CSMD1: variants seen among roughly 807,000 people sequenced by gnomAD.
The protein encoded by CSMD1 is CUB and Sushi multiple domains 1.
In CSMD1, 213 loss-of-function variants were observed where a neutral mutation model predicts 417.5. That is an observed-to-expected ratio of 0.51 (90% CI 0.46 to 0.57). The LOEUF is 0.57. CSMD1 is among the 20% of genes least tolerant of loss of function. The pLI is 0.00. For missense variants in CSMD1, 6,923 were observed against 4,529.7 expected (o/e 1.53, Z -15.17); for synonymous variants, 2,862 against 1,736.8 (o/e 1.65, Z -16.11).
At chr8:4,830,701 T>C (rs1046860066) in intron 1 of CSMD1, among the ~76,000 whole-genome samples, 1 of 152,238 alleles carries the variant, frequency 6.6e-6, no homozygotes, top group South Asian at 2.1e-4. Flanking sequence ...ATGGCAACAC[T>C]GTATTGCAAC....
chr8:2,960,362 C>G (rs75448807), intron 62 of CSMD1, among the ~76,000 whole-genome samples: 3 of 152,172 alleles, frequency 2.0e-5, no homozygotes, highest in African/African-American at 4.8e-5. Context: ...GGAATATTTT[C>G]GTGCTCACGA....
intron 1 of CSMD1, among the ~76,000 whole-genome samples, chr8:4,837,392 C>T (rs1215009211): frequency 6.6e-6 from 1 of 152,098 alleles, no homozygotes; most frequent in African/African-American, 2.4e-5. Flanking sequence ...ACATAGACAC[C>T]ATGGAGTACT....
intron 1 of CSMD1, among the ~76,000 whole-genome samples, chr8:4,850,671 C>A (rs1016667463): frequency 1.3e-5 from 2 of 152,062 alleles, no homozygotes; most frequent in African/African-American, 2.4e-5. Context: ...TCCTTACCCC[C>A]TTAGCTTTGT....
intron 1 of CSMD1, among the ~76,000 whole-genome samples, chr8:4,864,551 A>G (rs1216063072): frequency 6.6e-6 from 1 of 151,700 alleles, no homozygotes; most frequent in Admixed American, 6.6e-5. Context: ...AGTGATCATC[A>G]TAATTATGTT....
Position 3,511,169 on chromosome 8 carries a change from G to A in CSMD1, c.1345-17443C>T, listed in dbSNP as rs993627555. ...ACTGCATGTTCTCAGTAATAAGTGG[G>A]AGTTGAACAATGAGGACACAAGGGC... On this transcript the variant is annotated intron_variant, in intron 10 of 69. Coordinates refer to ENST00000635120, the MANE Select transcript of CSMD1 (RefSeq NM_033225.6). Among the ~76,000 whole-genome samples the A allele has an allele frequency of 3.3e-5, 5 of 151,712 alleles. 1 individual carries two copies. Among genetic ancestry groups the A allele is most frequent in the Admixed American group, 2.6e-4 (4 of 15,264 alleles).
chr8:4,075,812 A>G (rs1406067017), intron 3 of CSMD1, among the ~76,000 whole-genome samples: 3 of 152,124 alleles, frequency 2.0e-5, no homozygotes, highest in East Asian at 1.9e-4. Flanking sequence ...GCAGTCCTTC[A>G]TGGTTGTCAG....
intron 4 of CSMD1, 142 bp from the exon 5 acceptor site, chr8:3,998,252 T>C (rs1302239471): frequency 3.0e-6 from 2 of 676,788 alleles, no homozygotes; most frequent in Non-Finnish European, 5.0e-6. Flanking sequence ...AAAGAATCTT[T>C]TGGTATGTTA....
intron 1 of CSMD1, among the ~76,000 whole-genome samples, chr8:4,903,590 G>A (rs1357129692): frequency 6.6e-6 from 1 of 152,194 alleles, no homozygotes; most frequent in African/African-American, 2.4e-5. Context: ...ACCTGTAAAT[G>A]TCAACTTGTT....
intron 2 of CSMD1, among the ~76,000 whole-genome samples, chr8:4,460,846 G>T (rs914307373): frequency 2.0e-5 from 3 of 152,210 alleles, no homozygotes; most frequent in East Asian, 1.9e-4. Flanking sequence ...ACCAAACATT[G>T]AGAGTAGAAT....
intron 49 of CSMD1, among the ~76,000 whole-genome samples, chr8:3,053,061 C>T (rs542522245): frequency 4.6e-5 from 7 of 152,206 alleles, no homozygotes; most frequent in Middle Eastern, 3.4e-3. Context: ...GGATTACAGG[C>T]GTGAGCCACC....
chr8:4,838,284 A>C (rs1401910898), intron 1 of CSMD1, among the ~76,000 whole-genome samples: 2 of 152,170 alleles, frequency 1.3e-5, no homozygotes, highest in Non-Finnish European at 2.9e-5. Flanking sequence ...GTGTCAGGAG[A>C]CGTCAGTCAC....
At chr8:3,656,432 A>G (rs1411926624) in intron 7 of CSMD1, among the ~76,000 whole-genome samples, 2 of 151,980 alleles carry the variant, frequency 1.3e-5, no homozygotes, top group Admixed American at 1.3e-4. Context: ...AGCATTTCTT[A>G]TCTTTGTGAG....
At chr8:3,576,563 A>G (rs989033366) in intron 9 of CSMD1, among the ~76,000 whole-genome samples, 24 of 152,210 alleles carry the variant, frequency 1.6e-4, no homozygotes, top group African/African-American at 5.3e-4. Context: ...TTCTACATTG[A>G]TAAGTGTGTT....
chr8:4,001,590 G>A (rs553362144), intron 4 of CSMD1, among the ~76,000 whole-genome samples: 2 of 152,174 alleles, frequency 1.3e-5, no homozygotes, highest in African/African-American at 2.4e-5. Context: ...TGGCTGAGCT[G>A]GATAAACTGC....
intron 3 of CSMD1, among the ~76,000 whole-genome samples, chr8:4,269,343 G>C (rs745439252): frequency 1.3e-5 from 2 of 152,168 alleles, no homozygotes; most frequent in East Asian, 3.9e-4. Flanking sequence ...TGGGATTACA[G>C]GTGTGAGCCA....
intron 47 of CSMD1, among the ~76,000 whole-genome samples, chr8:3,092,498 A>G (rs1815011029): frequency 6.6e-6 from 1 of 152,210 alleles, no homozygotes; most frequent in Admixed American, 6.5e-5. Context: ...CACAAGTGGA[A>G]TTGGATATGG....
At chr8:4,111,739 G>C (rs987004882) in intron 3 of CSMD1, among the ~76,000 whole-genome samples, 8 of 152,106 alleles carry the variant, frequency 5.3e-5, no homozygotes, top group African/African-American at 1.4e-4. Context: ...TGGAAACAGA[G>C]AGGGCAACAA....
chr8:4,025,088 G>A (rs1187110960), intron 4 of CSMD1, among the ~76,000 whole-genome samples: 3 of 152,180 alleles, frequency 2.0e-5, no homozygotes, highest in African/African-American at 7.2e-5. Context: ...CAGAATTGGA[G>A]CAATGGAATA....
At chr8:2,978,997 G>T (rs147862969) in intron 54 of CSMD1, among the ~76,000 whole-genome samples, 197 bp from the exon 55 acceptor site, 51 of 152,240 alleles carry the variant, frequency 3.3e-4, no homozygotes, top group African/African-American at 1.1e-3. Context: ...GTCAAGAACT[G>T]GTCGACCACG....
Sources: allele counts gnomAD v4.1 joint callset (sites outside exome capture counted in the v4.1 genomes callset), GRCh38; gene constraint gnomAD v4.1.1; transcripts MANE v1.5; gene names NCBI Gene and HGNC (gene_info 2026-07-23, HGNC 2026-07-21).